ADARB2: variants seen among roughly 807,000 people sequenced by gnomAD.
ADARB2 encodes inactive double-stranded RNA-specific editase B2.
Under a neutral mutation model 62.2 loss-of-function variants are expected in ADARB2, and 25 were observed. The observed-to-expected ratio is 0.40, with a 90% CI of 0.29 to 0.56. The LOEUF (loss-of-function observed/expected upper bound fraction) is 0.56. Ranked by LOEUF, ADARB2 falls within the 20% of genes least tolerant of loss-of-function variation. The probability of loss-of-function intolerance (pLI) is 0.43; values close to 1 mark genes in which losing one functional copy is unlikely to be tolerated. For missense variants in ADARB2, 1,071 were observed against 1,077.4 expected, an observed-to-expected ratio of 0.99 and a Z score of 0.08; for synonymous variants, 572 against 500.8, an observed-to-expected ratio of 1.14 and a Z score of -1.90.
chr10:1,519,054 C>G (rs1408734539), intron 1 of ADARB2, among the ~76,000 whole-genome samples: 1 of 151,348 alleles, frequency 6.6e-6, no homozygotes, highest in Non-Finnish European at 1.5e-5. Context: ...GTAATGTGTG[C>G]ATGTGGTATT....
intron 4 of ADARB2, among the ~76,000 whole-genome samples, chr10:1,265,934 C>T (rs1287003746): frequency 2.4e-5 from 3 of 122,512 alleles, no homozygotes; most frequent in Non-Finnish European, 1.8e-5. Context: ...CACGCTCCCC[C>T]GGAAGACGGC....
chr10:1,518,299 G>T (rs977704873), intron 1 of ADARB2, among the ~76,000 whole-genome samples: 2 of 152,190 alleles, frequency 1.3e-5, no homozygotes, highest in African/African-American at 4.8e-5. Flanking sequence ...GAACCCCCTG[G>T]ATGACCTGTT....
intron 1 of ADARB2, among the ~76,000 whole-genome samples, chr10:1,720,759 T>C (rs754579057): frequency 6.6e-6 from 1 of 152,168 alleles, no homozygotes; most frequent in Non-Finnish European, 1.5e-5. Flanking sequence ...GCAAAACATT[T>C]GGAGGAGCAG....
intron 1 of ADARB2, among the ~76,000 whole-genome samples, chr10:1,700,259 T>G (rs576679708): frequency 4.9e-4 from 5 of 10,140 alleles, no homozygotes; most frequent in Admixed American, 1.4e-3. Flanking sequence ...GCCAATACAC[T>G]CAATCCCACT....
intron 1 of ADARB2, among the ~76,000 whole-genome samples, chr10:1,474,745 G>A (rs1831375965): frequency 2.0e-5 from 3 of 152,250 alleles, no homozygotes; most frequent in Admixed American, 6.5e-5. Context: ...CGGGTGGGTC[G>A]ACTGGGTGGG....
intron 3 of ADARB2, among the ~76,000 whole-genome samples, chr10:1,310,980 T>C (rs866745302): frequency 6.6e-6 from 1 of 152,246 alleles, no homozygotes; most frequent in African/African-American, 2.4e-5. Flanking sequence ...ATTTCGATTA[T>C]TCACATGATG....
intron 1 of ADARB2, among the ~76,000 whole-genome samples, chr10:1,448,730 C>T (rs529520482): frequency 1.3e-5 from 2 of 152,294 alleles, no homozygotes; most frequent in East Asian, 3.9e-4. Flanking sequence ...AACTCTGTGC[C>T]TTATATGGCC....
At position 1,181,650 on chromosome 10, in the gene ADARB2, A is replaced by G. The variant is rs1298270356; in HGVS notation, c.*1543T>C. The G allele has an allele frequency of 6.6e-6, 1 of 152,256 alleles. No homozygotes were observed. Among genetic ancestry groups the G allele is most frequent in the Non-Finnish European group, 1.5e-5 (1 of 68,044 alleles). 9.4% of individuals were successfully genotyped at this position (152,256 alleles called of 1,614,324 possible). A position where few individuals can be genotyped will look rare whatever the true frequency, so the allele number is the denominator to read the frequency against. On this transcript the variant is annotated 3_prime_UTR_variant, in exon 10 of 10. Coordinates refer to ENST00000381312, the MANE Select transcript of ADARB2 (RefSeq NM_018702.4). ...TGTAATTTATAGCACTTGACTATGT[A>G]CAGCACAATGTTATTCTTGCACTTT...
chr10:1,671,975 G>A (rs1834390536), intron 1 of ADARB2, among the ~76,000 whole-genome samples: 1 of 152,092 alleles, frequency 6.6e-6, no homozygotes, highest in Admixed American at 6.5e-5. Context: ...ACATGCCCCT[G>A]TTCATGCACA....
intron 1 of ADARB2, among the ~76,000 whole-genome samples, chr10:1,536,946 G>C (rs1832340179): frequency 6.6e-6 from 1 of 152,152 alleles, no homozygotes; most frequent in African/African-American, 2.4e-5. Flanking sequence ...TGCAACAAAA[G>C]CCAAAATTGA....
chr10:1,628,155 G>A (rs1833795152), intron 1 of ADARB2, among the ~76,000 whole-genome samples: 1 of 152,250 alleles, frequency 6.6e-6, no homozygotes. Context: ...GAGCAAACGG[G>A]CGGCGATGCA....
chr10:1,341,704 G>C (rs1307111349), intron 3 of ADARB2, among the ~76,000 whole-genome samples: 1 of 151,662 alleles, frequency 6.6e-6, no homozygotes, highest in Non-Finnish European at 1.5e-5. Flanking sequence ...GGGATAACCA[G>C]CATCCACCAG....
chr10:1,523,302 A>G (rs1417421474), intron 1 of ADARB2, among the ~76,000 whole-genome samples: 1 of 152,242 alleles, frequency 6.6e-6, no homozygotes, highest in Non-Finnish European at 1.5e-5. Flanking sequence ...TCCGAACATT[A>G]GAACCAAGAT....
chr10:1,296,328 A>G (rs547252094), intron 3 of ADARB2, among the ~76,000 whole-genome samples: 1 of 152,238 alleles, frequency 6.6e-6, no homozygotes, highest in East Asian at 1.9e-4. Flanking sequence ...GAAAAATGTG[A>G]AGGCTCCAGG....
chr10:1,353,414 C>G (rs370251384), intron 3 of ADARB2, among the ~76,000 whole-genome samples: 1 of 152,002 alleles, frequency 6.6e-6, no homozygotes, highest in Non-Finnish European at 1.5e-5. Context: ...ACATGCAGAC[C>G]GGGCAACATC....
chr10:1,655,523 A>T (rs772421657), intron 1 of ADARB2, among the ~76,000 whole-genome samples: 6 of 152,214 alleles, frequency 3.9e-5, no homozygotes, highest in Non-Finnish European at 7.3e-5. Flanking sequence ...TAACAGAACC[A>T]CTGTAAAACT....
intron 1 of ADARB2, among the ~76,000 whole-genome samples, chr10:1,386,250 AAGAG>A (rs763865222): frequency 5.3e-5 from 8 of 152,126 alleles, no homozygotes; most frequent in African/African-American, 1.7e-4. Context: ...AAGGCAAAGA[AAGAG>A]AAACAAAAAA....
At chr10:1,698,319 A>C (rs987271550) in intron 1 of ADARB2, among the ~76,000 whole-genome samples, 2 of 152,184 alleles carry the variant, frequency 1.3e-5, no homozygotes, top group Admixed American at 6.5e-5. Flanking sequence ...GGAATGAGGA[A>C]TAGAGCTTGG....
chr10:1,216,103 T>C (rs1281896740), intron 7 of ADARB2: 1 of 147,830 alleles, frequency 6.8e-6, no homozygotes, highest in Non-Finnish European at 1.5e-5. Flanking sequence ...GACGGAGAGG[T>C]CTTGGGACAT....
Sources: allele counts gnomAD v4.1 joint callset (sites outside exome capture counted in the v4.1 genomes callset), GRCh38; gene constraint gnomAD v4.1.1; transcripts MANE v1.5; gene names NCBI Gene and HGNC (gene_info 2026-07-23, HGNC 2026-07-21).